SDHA: variants seen among roughly 807,000 people sequenced by gnomAD.
SDHA encodes succinate dehydrogenase [ubiquinone] flavoprotein subunit, mitochondrial.
SDHA carries 48 observed loss-of-function variants against 78.4 expected under a neutral mutation model. The observed-to-expected ratio is 0.61, with a 90% CI of 0.49 to 0.78. SDHA has a LOEUF of 0.78. Ranked by LOEUF, SDHA falls within the 30% of genes least tolerant of loss-of-function variation. The probability of loss-of-function intolerance (pLI) is 0.00; values close to 1 mark genes in which losing one functional copy is unlikely to be tolerated. For missense variants in SDHA, 680 were observed against 892.7 expected, an observed-to-expected ratio of 0.76 and a Z score of 3.04; for synonymous variants, 326 against 353.9, an observed-to-expected ratio of 0.92 and a Z score of 0.88.
intron 14 of SDHA, 109 bp from the exon 15 acceptor site, chr5:256,225 T>A: frequency 1.2e-6 from 1 of 836,132 alleles, no homozygotes; most frequent in Non-Finnish European, 2.1e-6. Flanking sequence ...AATCTTAAAG[T>A]TCACATGCCA....
chr5:236,597 C>T lies in SDHA; in HGVS notation c.1430C>T (p.Pro477Leu), dbSNP rs146990772. The T allele has an allele frequency of 8.1e-6, 13 of 1,613,742 alleles. No individual in the cohort carries two copies. Among genetic ancestry groups the T allele is most frequent in the Non-Finnish European group, 1.1e-5 (13 of 1,179,736 alleles). ...CALSIEESCR[P>L]GDKVPPIKPN... Reference sequence around the variant, plus strand: ...CTGAGCATCGAAGAGTCATGCAGGCCTGGTAAGTGTTTTCTTCAGGAGCCA... The same window carrying T: ...CTGAGCATCGAAGAGTCATGCAGGCTTGGTAAGTGTTTTCTTCAGGAGCCA... The change falls in exon 10 of 15, where the codon CCT (proline) becomes CTT (leucine). Residue 477 changes from proline to leucine, a missense_variant and splice_region_variant. Physicochemically the swap from Pro to Leu is moderately conservative, Grantham distance 98. Coordinates refer to ENST00000264932, the MANE Select transcript of SDHA (RefSeq NM_004168.4).
the SDHA span, among the ~76,000 whole-genome samples, chr5:262,502 A>T: frequency 6.7e-6 from 1 of 150,248 alleles, no homozygotes; most frequent in Non-Finnish European, 1.5e-5. Flanking sequence ...TGTGAACTGC[A>T]CATGCGAAGG....
intron 1 of SDHA, among the ~76,000 whole-genome samples, chr5:221,140 T>A (rs766842978): frequency 1.3e-5 from 2 of 152,162 alleles, no homozygotes; most frequent in Non-Finnish European, 2.9e-5. Flanking sequence ...TCCCTGTTTT[T>A]AAAATAATAA....
downstream of SDHA, among the ~76,000 whole-genome samples, chr5:259,434 T>C (rs1460537839): frequency 1.0e-4 from 4 of 39,176 alleles, no homozygotes; most frequent in South Asian, 9.4e-4. Flanking sequence ...GAGCTCCGCC[T>C]CCCGACAGAG....
Position 233,515 on chromosome 5 carries a change from C to T in SDHA, c.934C>T (p.Arg312Cys), listed in dbSNP as rs1735549033. Residue 312 changes from arginine to cysteine, a missense_variant, in exon 8 of 15, where the codon CGT becomes TGT. By Grantham distance (180) the Arg-to-Cys change is radical. Transcript: ENST00000264932. ...GAGCLITEGC[R>C]GEGGILINSQ... is the part of the protein sequence containing the mutation. ...TGGTTGTCTCATTACGGAAGGATGTCGTGGAGAGGGAGGCATTCTCATTAA... is the reference window on the plus strand; with the variant it reads ...TGGTTGTCTCATTACGGAAGGATGTTGTGGAGAGGGAGGCATTCTCATTAA... 2.5e-6 allele frequency: 4 copies of T among 1,614,102 alleles called. No homozygotes were observed. Among genetic ancestry groups the T allele is most frequent in the Non-Finnish European group, 1.7e-6 (2 of 1,180,004 alleles).
chr5:218,355 C>T lies in SDHA; in HGVS notation c.-1C>T, dbSNP rs560932680. ...GGGACTGCGCGGCGGCAACAGCAGA[C>T]ATGTCGGGGGTCCGGGGCCTGTCGC... On this transcript the variant is annotated 5_prime_UTR_variant, in exon 1 of 15. Coordinates refer to ENST00000264932, the MANE Select transcript of SDHA (RefSeq NM_004168.4). 19 of 1,460,874 alleles carry T rather than the reference C, an allele frequency of 1.3e-5. No homozygotes were observed. The Admixed American group carries it at 2.7e-4, about 21-fold the overall frequency. 90.5% of individuals were successfully genotyped at this position (1,460,874 alleles called of 1,614,324 possible).
intron 11 of SDHA, among the ~76,000 whole-genome samples, chr5:240,838 C>G (rs934686042): frequency 6.6e-6 from 1 of 152,176 alleles, no homozygotes; most frequent in Non-Finnish European, 1.5e-5. Context: ...CGTGTGGCTG[C>G]AGAAGACATG....
chr5:239,266 C>G (rs999952033), intron 10 of SDHA, among the ~76,000 whole-genome samples: 2 of 150,302 alleles, frequency 1.3e-5, no homozygotes, highest in African/African-American at 5.0e-5. Context: ...CGTAGAAACA[C>G]AAGAGTTGCA....
intron 3 of SDHA, 116 bp downstream of exon 3, chr5:224,637 C>G (rs1734906544): frequency 9.1e-7 from 1 of 1,094,240 alleles, no homozygotes; most frequent in African/African-American, 1.6e-5. Flanking sequence ...TGGCCTCTTG[C>G]TGTGCCTTAC....
At chr5:224,256 A>G in intron 2 of SDHA, 104 bp from the exon 3 acceptor site, 1 of 1,242,520 alleles carries the variant, frequency 8.0e-7, no homozygotes, top group South Asian at 1.2e-5. Context: ...CTGTGTGCCC[A>G]GCAGTTGCTC....
intron 2 of SDHA, 111 bp from the exon 3 acceptor site, chr5:224,249 T>G: frequency 8.6e-7 from 1 of 1,166,286 alleles, no homozygotes; most frequent in Non-Finnish European, 1.3e-6. Flanking sequence ...GGAGGCCCTG[T>G]GTGCCCAGCA....
the SDHA span, among the ~76,000 whole-genome samples, chr5:262,384 C>CA: frequency 1.2e-4 from 11 of 89,540 alleles, 2 homozygotes; most frequent in African/African-American, 6.4e-4. Flanking sequence ...CGCCTCCTGT[C>CA]CAAGCATTAC....
rs112333017 is a variant in SDHA at position 239,224 on chromosome 5, T to TA, written c.1433-1126dup. Among the ~76,000 whole-genome samples the TA allele has an allele frequency of 4.1e-3, 626 of 150,970 alleles. 1 individual carries two copies. The highest frequency in any genetic ancestry group is 0.011 in the African/African-American group (429 of 40,770). The stretch of plus-strand genomic sequence containing the variant: ...GTTGAAGAAAATATATATAACGTTA[T>TA]AAAAAAAACTTAAAAACTTTTTTCA... On this transcript the variant is annotated intron_variant, in intron 10 of 14. Transcript: ENST00000264932.
At chr5:253,697 AGTGCTAGG>A (rs1395807128) in intron 13 of SDHA, among the ~76,000 whole-genome samples, 2 of 152,140 alleles carry the variant, frequency 1.3e-5, no homozygotes, top group African/African-American at 4.8e-5. Context: ...GGCCTCCCAA[AGTGCTAGG>A]GTTACAGGCA....
chr5:268,192 T>C, the SDHA span, among the ~76,000 whole-genome samples: 2 of 151,798 alleles, frequency 1.3e-5, no homozygotes, highest in African/African-American at 2.4e-5. Context: ...TTCTTTCTTT[T>C]TTTTTTTTTG....
chr5:255,989 C>T lies in SDHA; in HGVS notation c.1909-345C>T, dbSNP rs560788705. ...TACTTACTGTCTGAGCATCCCTAATCGGAAGATCTGACTCCATAGCACATT... is the reference window on the plus strand; with the variant it reads ...TACTTACTGTCTGAGCATCCCTAATTGGAAGATCTGACTCCATAGCACATT... On this transcript the variant is annotated intron_variant, in intron 14 of 14. Transcript: ENST00000264932. 2.7e-4 allele frequency among the ~76,000 whole-genome samples: 41 copies of T among 152,296 alleles called. 2 individuals are homozygous for T. Among genetic ancestry groups the T allele is most frequent in the South Asian group, 1.2e-3 (6 of 4,824 alleles).
At chr5:233,687 G>C (rs1266063463) in intron 8 of SDHA, 42 bp downstream of exon 8, 2 of 1,607,388 alleles carry the variant, frequency 1.2e-6, no homozygotes, top group Admixed American at 3.3e-5. Flanking sequence ...GCGGGCACAC[G>C]GGCCGGGGTT....
Position 251,502 on chromosome 5 carries a change from CT to C in SDHA, c.1794+38del, listed in dbSNP as rs1484857858. ...TCTCACCACGCCCACCTGCACCTGC[CT>C]TTTCCTGCCACCTGGTGGGACTCAG... On this transcript the variant is annotated intron_variant, in intron 13 of 14. Transcript: ENST00000264932. The C allele has an allele frequency of 3.7e-6, 6 of 1,613,522 alleles. No individual in the cohort carries two copies. The Admixed American group carries it at 6.7e-5, about 18-fold the overall frequency.
chr5:257,609 C>A (rs1737290914), downstream of SDHA, among the ~76,000 whole-genome samples: 2 of 121,970 alleles, frequency 1.6e-5, no homozygotes, highest in Non-Finnish European at 3.3e-5. Context: ...GTGAGCTCCA[C>A]CCCCTGCCAG....
Sources: gnomAD v4.1 joint callset for allele counts (sites outside exome capture counted in the v4.1 genomes callset) on GRCh38, gnomAD v4.1.1 for gene constraint, MANE v1.5 for transcripts, NCBI Gene and HGNC (gene_info 2026-07-23, HGNC 2026-07-21) for gene names.